Variants in MAPRE2 observed in about 807,000 individuals in gnomAD.
MAPRE2 encodes the protein microtubule associated protein RP/EB family member 2, also known as microtubule-associated protein RP/EB family member 2.
Under a neutral mutation model 43.2 loss-of-function variants are expected in MAPRE2, and 13 were observed. That is an observed-to-expected ratio of 0.30 (90% CI 0.20 to 0.48). MAPRE2 has a LOEUF of 0.48. Ranked by LOEUF, MAPRE2 falls within the 20% of genes least tolerant of loss-of-function variation. The probability of loss-of-function intolerance (pLI) is 0.99; values close to 1 mark genes in which losing one functional copy is unlikely to be tolerated. For synonymous variants in MAPRE2, 135 were observed against 148.8 expected (o/e 0.91, Z 0.68); for missense variants, 161 against 400.2 (o/e 0.40, Z 5.10).
At chr18:34,978,471 A>G (rs2097014389) in intron 1 of MAPRE2, 1 of 1,542,782 alleles carries the variant, frequency 6.5e-7, no homozygotes, top group Non-Finnish European at 8.8e-7. Flanking sequence ...CCTACTTCTA[A>G]TCTGAGGACC....
chr18:35,022,041 T>G (rs2097042252), intron 2 of MAPRE2, among the ~76,000 whole-genome samples: 1 of 152,142 alleles, frequency 6.6e-6, no homozygotes, highest in Non-Finnish European at 1.5e-5. Flanking sequence ...GAACCATGCT[T>G]TCAAAGTTCT....
intron 2 of MAPRE2, among the ~76,000 whole-genome samples, chr18:35,034,186 C>A (rs988190188): frequency 2.6e-5 from 4 of 152,016 alleles, no homozygotes; most frequent in African/African-American, 4.8e-5. Context: ...TGGAACAGAA[C>A]AGAGCCCTCA....
chr18:34,989,454 A>G (rs1431145028), intron 1 of MAPRE2, among the ~76,000 whole-genome samples: 1 of 152,200 alleles, frequency 6.6e-6, no homozygotes, highest in Non-Finnish European at 1.5e-5. Flanking sequence ...TCATGCCTAT[A>G]ATGCCAGCAT....
intron 2 of MAPRE2, among the ~76,000 whole-genome samples, chr18:35,011,939 G>A (rs1193326219): frequency 6.6e-6 from 1 of 151,622 alleles, no homozygotes; most frequent in African/African-American, 2.4e-5. Flanking sequence ...TATGTAGGGG[G>A]AAGTAATGGA....
intron 1 of MAPRE2, among the ~76,000 whole-genome samples, chr18:35,048,670 T>G (rs569857622): frequency 1.3e-5 from 2 of 149,028 alleles, no homozygotes; most frequent in Non-Finnish European, 3.0e-5. Flanking sequence ...GTATATGTAT[T>G]AATACTATAC....
intron 2 of MAPRE2, among the ~76,000 whole-genome samples, chr18:35,017,834 G>T (rs1387116704): frequency 6.6e-6 from 1 of 151,352 alleles, no homozygotes; most frequent in Non-Finnish European, 1.5e-5. Flanking sequence ...TTGCCTGATT[G>T]TTCTGGGTAG....
At chr18:35,057,624 G>T (rs113709237) in intron 1 of MAPRE2, among the ~76,000 whole-genome samples, 125 of 151,892 alleles carry the variant, frequency 8.2e-4, no homozygotes, top group African/African-American at 2.9e-3. Flanking sequence ...GATGTTTATT[G>T]ATTTAAAAAA....
At chr18:35,024,840 G>A (rs553269634) in intron 2 of MAPRE2, among the ~76,000 whole-genome samples, 63 of 152,178 alleles carry the variant, frequency 4.1e-4, no homozygotes, top group Non-Finnish European at 7.4e-4. Context: ...TCTTTAATTC[G>A]TTGCTGCTTG....
chr18:35,023,039 C>T (rs1429342512), intron 2 of MAPRE2, among the ~76,000 whole-genome samples: 2 of 151,794 alleles, frequency 1.3e-5, no homozygotes, highest in African/African-American at 4.8e-5. Flanking sequence ...TAGAATATAC[C>T]TGAATTTTTA....
chr18:34,987,707 A>G (rs1285497335), intron 1 of MAPRE2, among the ~76,000 whole-genome samples: 1 of 152,012 alleles, frequency 6.6e-6, no homozygotes, highest in African/African-American at 2.4e-5. Flanking sequence ...CAGTGGTACA[A>G]TCACCATTCA....
chr18:34,984,754 TTACA>T (rs1234312684), intron 1 of MAPRE2, among the ~76,000 whole-genome samples: 2 of 138,630 alleles, frequency 1.4e-5, no homozygotes, highest in African/African-American at 5.4e-5. Context: ...ATTTAATATA[TTACA>T]TACTATATAT....
chr18:35,126,445 C>T (rs532246714), intron 4 of MAPRE2, among the ~76,000 whole-genome samples: 2 of 152,270 alleles, frequency 1.3e-5, no homozygotes, highest in Admixed American at 6.5e-5. Context: ...ATCAGGAGTG[C>T]CACTGCTATG....
At chr18:35,039,335 A>C (rs1364217520), upstream of MAPRE2, among the ~76,000 whole-genome samples, 1 of 152,252 alleles carries the variant, frequency 6.6e-6, no homozygotes, top group Non-Finnish European at 1.5e-5. Flanking sequence ...GGGTCTTTGC[A>C]AGAATGACTA....
chr18:35,113,357 T>A (rs1282809645), intron 4 of MAPRE2, among the ~76,000 whole-genome samples: 3 of 152,224 alleles, frequency 2.0e-5, no homozygotes, highest in Non-Finnish European at 4.4e-5. Flanking sequence ...TTCATTGCCA[T>A]CCTAATTTCT....
intron 4 of MAPRE2, among the ~76,000 whole-genome samples, chr18:35,110,240 C>T (rs1395671137): frequency 6.6e-6 from 1 of 152,124 alleles, no homozygotes; most frequent in Non-Finnish European, 1.5e-5. Context: ...GCTTATTCAT[C>T]ATTAAAATGT....
chr18:35,049,594 G>A (rs147466528), intron 1 of MAPRE2, among the ~76,000 whole-genome samples: 37 of 152,264 alleles, frequency 2.4e-4, no homozygotes, highest in African/African-American at 7.9e-4. Flanking sequence ...AGAGTACGTG[G>A]TGGGAGGGAT....
chr18:35,077,249 G>GCACACACACACA (rs869108287), intron 2 of MAPRE2, among the ~76,000 whole-genome samples: 1 of 88,856 alleles, frequency 1.1e-5, no homozygotes, highest in Non-Finnish European at 2.1e-5. Flanking sequence ...GTGCGCGCGC[G>GCACACACACACA]CACACACACA....
intron 2 of MAPRE2, among the ~76,000 whole-genome samples, chr18:35,087,944 A>G (rs553970954): frequency 1.3e-5 from 2 of 152,316 alleles, no homozygotes; most frequent in East Asian, 3.9e-4. Flanking sequence ...CAGAAATGCA[A>G]GAGACAATAG....
chr18:35,107,162 A>G (rs1356965268), intron 4 of MAPRE2, among the ~76,000 whole-genome samples: 1 of 152,154 alleles, frequency 6.6e-6, no homozygotes, highest in Non-Finnish European at 1.5e-5. Context: ...TGCTTTCCTT[A>G]GGGACTTCAG....
Sources: gnomAD v4.1 joint callset for allele counts (sites outside exome capture counted in the v4.1 genomes callset) on GRCh38, gnomAD v4.1.1 for gene constraint, MANE v1.5 for transcripts, NCBI Gene and HGNC (gene_info 2026-07-23, HGNC 2026-07-21) for gene names.